The following CTNNA3 variants were observed in gnomAD, a reference collection of about 807,000 sequenced individuals.
CTNNA3 encodes catenin alpha-3.
A neutral mutation model predicts 95.7 loss-of-function variants in CTNNA3; 76 were observed. The ratio of observed to expected loss-of-function variants is 0.79; its 90% CI spans 0.66 to 0.96. The LOEUF is 0.96. CTNNA3 is among the 40% of genes least tolerant of loss of function. The pLI is 0.00. For synonymous variants in CTNNA3, 431 were observed against 374.4 expected, an observed-to-expected ratio of 1.15 and a Z score of -1.74; for missense variants, 1,191 against 1,089.8, an observed-to-expected ratio of 1.09 and a Z score of -1.31.
chr10:67,725,765 C>T (rs1190862402), intron 1 of CTNNA3, among the ~76,000 whole-genome samples: 1 of 151,428 alleles, frequency 6.6e-6, no homozygotes. Flanking sequence ...CTAGAAAAGG[C>T]AAAAGGCTTA....
intron 2 of CTNNA3, among the ~76,000 whole-genome samples, chr10:67,642,162 C>T (rs1839557840): frequency 1.3e-5 from 2 of 152,024 alleles, no homozygotes; most frequent in African/African-American, 4.8e-5. Flanking sequence ...AAAGCAATTG[C>T]AGCAAAAGCA....
chr10:66,820,286 T>C (rs1489038278), intron 7 of CTNNA3, among the ~76,000 whole-genome samples: 2 of 152,072 alleles, frequency 1.3e-5, no homozygotes, highest in Admixed American at 1.3e-4. Flanking sequence ...TAGGCAAACC[T>C]ATAAAGTACA....
chr10:67,285,410 G>C (rs1839559446), intron 5 of CTNNA3, among the ~76,000 whole-genome samples: 2 of 152,022 alleles, frequency 1.3e-5, no homozygotes, highest in African/African-American at 4.8e-5. Context: ...AACATCAATG[G>C]GCATCTAAGA....
At chr10:66,015,706 T>C (rs1198927471) in intron 15 of CTNNA3, among the ~76,000 whole-genome samples, 2 of 152,186 alleles carry the variant, frequency 1.3e-5, no homozygotes, top group African/African-American at 4.8e-5. Flanking sequence ...GCCAACTTTT[T>C]CATTACCTAC....
At chr10:67,373,965 A>C (rs574694860) in intron 5 of CTNNA3, among the ~76,000 whole-genome samples, 2 of 152,288 alleles carry the variant, frequency 1.3e-5, no homozygotes, top group East Asian at 3.9e-4. Context: ...GTAATGTTTA[A>C]TGTAATGTTT....
At chr10:67,654,132 G>A (rs1164140945) in intron 1 of CTNNA3, among the ~76,000 whole-genome samples, 1 of 152,124 alleles carries the variant, frequency 6.6e-6, no homozygotes, top group African/African-American at 2.4e-5. Context: ...CATGTGTCAG[G>A]GACACAGAGG....
intron 13 of CTNNA3, among the ~76,000 whole-genome samples, chr10:66,238,745 T>C (rs2089980041): frequency 2.0e-5 from 3 of 151,924 alleles, no homozygotes; most frequent in Admixed American, 2.0e-4. Flanking sequence ...TAGTTATCTC[T>C]GGGTGATAAG....
chr10:67,317,512 G>A (rs1287775457), intron 5 of CTNNA3, among the ~76,000 whole-genome samples: 7 of 151,398 alleles, frequency 4.6e-5, no homozygotes, highest in South Asian at 2.1e-4. Context: ...TGCAACCTCC[G>A]CCTTCCGGGT....
At chr10:67,514,603 T>A (rs1026422832) in intron 5 of CTNNA3, among the ~76,000 whole-genome samples, 1 of 152,112 alleles carries the variant, frequency 6.6e-6, no homozygotes, top group Non-Finnish European at 1.5e-5. Flanking sequence ...GACAACCTTA[T>A]GGACTTAGGT....
intron 9 of CTNNA3, among the ~76,000 whole-genome samples, chr10:66,710,633 A>T (rs1470573776): frequency 6.6e-6 from 1 of 151,952 alleles, no homozygotes; most frequent in Non-Finnish European, 1.5e-5. Context: ...AGAAAAATTA[A>T]TATGTGGCTC....
rs181647948 is a variant in CTNNA3 at position 66,256,211 on chromosome 10, T to C, written c.1884+24259A>G. Among the ~76,000 whole-genome samples the C allele has an allele frequency of 7.9e-5, 12 of 152,266 alleles. No individual in the cohort carries two copies. In the East Asian group the frequency reaches 1.7e-3, roughly 22 times the overall value. On this transcript the variant is annotated intron_variant, in intron 13 of 17. Coordinates refer to ENST00000433211, the MANE Select transcript of CTNNA3 (RefSeq NM_013266.4). ...GAGCCATCTGAGAATCCTGCCCTTT[T>C]ACAAGCTAGACTGCTGGACACTATG...
chr10:67,052,139 T>C (rs576390645), intron 7 of CTNNA3, among the ~76,000 whole-genome samples: 55 of 152,292 alleles, frequency 3.6e-4, no homozygotes, highest in African/African-American at 1.3e-3. Context: ...CTTACCTAGT[T>C]ACAAGCATTG....
At chr10:67,243,120 C>G (rs1865777339) in intron 5 of CTNNA3, among the ~76,000 whole-genome samples, 1 of 152,070 alleles carries the variant, frequency 6.6e-6, no homozygotes, top group Non-Finnish European at 1.5e-5. Context: ...CTGCATATCT[C>G]AAGTTGAGTC....
chr10:67,470,067 T>A (rs1438522507), intron 5 of CTNNA3, among the ~76,000 whole-genome samples: 1 of 152,212 alleles, frequency 6.6e-6, no homozygotes, highest in African/African-American at 2.4e-5. Context: ...TTTGTACCTA[T>A]TAACCATCCT....
intron 2 of CTNNA3, among the ~76,000 whole-genome samples, chr10:67,628,313 A>C (rs956634609): frequency 6.6e-6 from 1 of 150,980 alleles, no homozygotes; most frequent in African/African-American, 2.4e-5. Context: ...AGGTCTTTTG[A>C]GTATTTGAAA....
intron 14 of CTNNA3, among the ~76,000 whole-genome samples, chr10:66,100,832 C>G (rs1433759014): frequency 6.6e-6 from 1 of 152,136 alleles, no homozygotes; most frequent in Non-Finnish European, 1.5e-5. Context: ...CTTCCATATG[C>G]ATTATCTTAT....
At chr10:66,427,214 A>T (rs2093250360) in intron 11 of CTNNA3, among the ~76,000 whole-genome samples, 1 of 152,074 alleles carries the variant, frequency 6.6e-6, no homozygotes, top group African/African-American at 2.4e-5. Flanking sequence ...GGTAAACACA[A>T]GCAAAAACTC....
At chr10:67,095,583 A>G (rs1187967048) in intron 7 of CTNNA3, among the ~76,000 whole-genome samples, 1 of 151,882 alleles carries the variant, frequency 6.6e-6, no homozygotes, top group Non-Finnish European at 1.5e-5. Context: ...CACACAGAAT[A>G]AATGTATCAT....
At chr10:67,066,446 C>T (rs1398681215) in intron 7 of CTNNA3, among the ~76,000 whole-genome samples, 1 of 151,528 alleles carries the variant, frequency 6.6e-6, no homozygotes, top group Non-Finnish European at 1.5e-5. Context: ...CTGCCTTGGC[C>T]TCCCAAAGTG....
Sources: allele counts gnomAD v4.1 joint callset (sites outside exome capture counted in the v4.1 genomes callset), GRCh38; gene constraint gnomAD v4.1.1; transcripts MANE v1.5; gene names NCBI Gene and HGNC (gene_info 2026-07-23, HGNC 2026-07-21).